Variants in AKAP10 observed in about 807,000 individuals in gnomAD.
AKAP10 encodes A-kinase anchor protein 10, mitochondrial.
Under a neutral mutation model 80.8 loss-of-function variants are expected in AKAP10, and 24 were observed. The ratio of observed to expected loss-of-function variants is 0.30; its 90% CI spans 0.22 to 0.42. The LOEUF is 0.42. Among genes scored for constraint, AKAP10 ranks in the 10% least tolerant of loss-of-function variants. AKAP10 has a pLI of 1.00. For missense variants in AKAP10, 661 were observed against 794.9 expected, an observed-to-expected ratio of 0.83 and a Z score of 2.03; for synonymous variants, 291 against 277.7, an observed-to-expected ratio of 1.05 and a Z score of -0.48.
Position 19,940,820 on chromosome 17 carries a change from G to C in AKAP10, c.1185+67C>G, listed in dbSNP as rs1597506249. On this transcript the variant is annotated intron_variant, in intron 7 of 14. Transcript: ENST00000225737. Reference sequence around the variant, plus strand: ...CTTCTGTGTTATTTCCTATAGACAGGGCCCCAGCATTGATAGTTAGAGGCT... The same window carrying C: ...CTTCTGTGTTATTTCCTATAGACAGCGCCCCAGCATTGATAGTTAGAGGCT... The C allele has an allele frequency of 6.7e-6, 10 of 1,482,630 alleles. No homozygotes were observed. The South Asian group carries it at 1.3e-4, about 20-fold the overall frequency. 91.8% of individuals were successfully genotyped at this position (1,482,630 alleles called of 1,614,324 possible).
rs149799897 is a variant in AKAP10, at chr17:19,947,135, C to T, written c.976+272G>A. On this transcript the variant is annotated intron_variant, in intron 5 of 14. Transcript: ENST00000225737. ...GGTGGTCTGTGCCGGTTAGCGTAGC[C>T]GCCCGCCGGCCCGGCTGCTCAGCAG... 1.2e-3 allele frequency: 491 copies of T among 409,736 alleles called. 2 individuals carry two copies. The highest frequency in any genetic ancestry group is 8.9e-3 in the African/African-American group (432 of 48,746). The allele number at this position is 409,736 out of a possible 1,614,324, so 25.4% of individuals were successfully genotyped here. A position where few individuals can be genotyped will look rare whatever the true frequency, so the allele number is the denominator to read the frequency against.
At chr17:19,963,090 C>G in intron 2 of AKAP10, 68 bp from the exon 3 acceptor site, 1 of 1,320,632 alleles carries the variant, frequency 7.6e-7, no homozygotes, top group Non-Finnish European at 1.0e-6. Context: ...CATAAAGGGG[C>G]TTTCAGAGAA....
chr17:19,974,508 T>C (rs2043540765), intron 1 of AKAP10, among the ~76,000 whole-genome samples: 1 of 152,174 alleles, frequency 6.6e-6, no homozygotes, highest in African/African-American at 2.4e-5. Context: ...TGGACACCTC[T>C]ATATTGGTCA....
chr17:19,939,685 G>T, intron 8 of AKAP10, 28 bp downstream of exon 8: 1 of 1,605,086 alleles, frequency 6.2e-7, no homozygotes. Context: ...ATAAGTATCT[G>T]CTGAATCCAT....
Position 19,935,538 on chromosome 17 carries a change from T to C in AKAP10, c.1467+748A>G, listed in dbSNP as rs867856507. Among the ~76,000 whole-genome samples the C allele has an allele frequency of 7.0e-4, 107 of 152,338 alleles. 1 individual carries two copies. Among genetic ancestry groups the C allele is most frequent in the African/African-American group, 2.5e-3 (102 of 41,588 alleles). ...TTTTTGACTCTGTTGTCATAACAGC[T>C]TAAAACACAAACATATACAGCTGTA... On this transcript the variant is annotated intron_variant, in intron 9 of 14. Transcript: ENST00000225737.
chr17:19,908,682 C>T (rs1451488893), intron 14 of AKAP10, among the ~76,000 whole-genome samples: 1 of 152,156 alleles, frequency 6.6e-6, no homozygotes, highest in Non-Finnish European at 1.5e-5. Flanking sequence ...GCTCGTCGCC[C>T]AGGCTGGAGT....
rs548281370 is a variant in AKAP10, at chr17:19,951,758, A to G, written c.878-4253T>C. On this transcript the variant is annotated intron_variant, in intron 4 of 14. Coordinates refer to ENST00000225737, the MANE Select transcript of AKAP10 (RefSeq NM_007202.4). ...AAGTACCCAGGGACACAAACACTGC[A>G]GAAGGCCGCAGGGTCCTCTGTCTAG... Among the ~76,000 whole-genome samples the G allele has an allele frequency of 6.6e-5, 10 of 152,190 alleles. No individual in the cohort carries two copies. The East Asian group carries it at 1.2e-3, about 18-fold the overall frequency.
At chr17:19,928,763 G>A (rs1341940367) in intron 10 of AKAP10, among the ~76,000 whole-genome samples, 1 of 152,094 alleles carries the variant, frequency 6.6e-6, no homozygotes, top group Non-Finnish European at 1.5e-5. Context: ...CCAGATACTC[G>A]GGAGGCTGAG....
intron 1 of AKAP10, among the ~76,000 whole-genome samples, chr17:19,976,967 A>T (rs1349627458): frequency 6.6e-6 from 1 of 152,220 alleles, no homozygotes; most frequent in African/African-American, 2.4e-5. Context: ...CTACGTAAAC[A>T]TTGGGCAGGT....
Position 19,968,567 on chromosome 17 carries a change from C to G in AKAP10, c.89-106G>C, listed in dbSNP as rs948032384. The stretch of plus-strand genomic sequence containing the variant: ...TATTCTAAGATGAGTATTCAAAGTT[C>G]TAGAACAATGGACAGCCTTGGAGGA... On this transcript the variant is annotated intron_variant, in intron 1 of 14. Transcript: ENST00000225737. The G allele has an allele frequency of 3.2e-6, 3 of 939,568 alleles. No individual in the cohort carries two copies. The African/African-American group carries it at 4.9e-5, about 15-fold the overall frequency. 58.2% of individuals were successfully genotyped at this position (939,568 alleles called of 1,614,324 possible).
intron 1 of AKAP10, among the ~76,000 whole-genome samples, chr17:19,974,994 G>A (rs1239793443): frequency 6.6e-6 from 1 of 152,046 alleles, no homozygotes; most frequent in African/African-American, 2.4e-5. Flanking sequence ...TATAAGTTCA[G>A]ATCACTCCTC....
intron 3 of AKAP10, among the ~76,000 whole-genome samples, chr17:19,961,343 C>A (rs780077952): frequency 1.3e-5 from 2 of 151,658 alleles, no homozygotes; most frequent in Non-Finnish European, 2.9e-5. Flanking sequence ...CAGAGTGAGA[C>A]CCTGTCTCAA....
At chr17:19,914,436 C>T (rs961317643) in intron 12 of AKAP10, among the ~76,000 whole-genome samples, 11 of 151,788 alleles carry the variant, frequency 7.2e-5, no homozygotes, top group African/African-American at 1.9e-4. Flanking sequence ...GGATTGCTTG[C>T]GGCAGGAGCT....
At position 19,905,856 on chromosome 17, in the gene AKAP10, G is replaced by C. The variant is rs977833563; in HGVS notation, c.*371C>G. ...CTGATTAGGGATGAGTTACCACTAC[G>C]AGTGTGCATCAAGTATCAGTTCTAT... On this transcript the variant is annotated 3_prime_UTR_variant, in exon 15 of 15. Coordinates refer to ENST00000225737, the MANE Select transcript of AKAP10 (RefSeq NM_007202.4). The C allele has an allele frequency of 1.1e-5, 2 of 190,116 alleles. No individual in the cohort carries two copies. The highest frequency in any genetic ancestry group is 2.2e-5 in the Non-Finnish European group (2 of 90,962). The allele number at this position is 190,116 out of a possible 1,614,324, so 11.8% of individuals were successfully genotyped here. A position where few individuals can be genotyped will look rare whatever the true frequency, so the allele number is the denominator to read the frequency against.
In AKAP10 at chr17:19,931,994, A is replaced by C. The variant is rs748321052; in HGVS notation, c.1468-16T>G. On this transcript the variant is annotated splice_polypyrimidine_tract_variant and intron_variant, in intron 9 of 14. Transcript: ENST00000225737. The stretch of plus-strand genomic sequence containing the variant: ...GCAAAAAGACCTGATAGAGATGAAA[A>C]GCATTATTTTAAAGTTGAAATCAAA... 2 of 1,597,114 alleles carry C rather than the reference A, an allele frequency of 1.3e-6. No homozygotes were observed. Among genetic ancestry groups the C allele is most frequent in the South Asian group, 1.1e-5 (1 of 88,426 alleles).
chr17:19,911,045 A>C (rs2042684531), intron 12 of AKAP10, among the ~76,000 whole-genome samples: 1 of 152,230 alleles, frequency 6.6e-6, no homozygotes, highest in Admixed American at 6.5e-5. Flanking sequence ...GGTCCTGTTT[A>C]ATTCAATAAC....
chr17:19,968,428 A>C lies in AKAP10; in HGVS notation c.122T>G (p.Val41Gly), dbSNP rs200211885. 4.3e-6 allele frequency: 7 copies of C among 1,613,732 alleles called. No homozygotes were observed. In the East Asian group the frequency reaches 6.7e-5, roughly 15 times the overall value. ...KGKEQEKTSDVKSIKASISVH... is the reference protein window; with the variant it reads ...KGKEQEKTSDGKSIKASISVH... ...GCAGAACTTACCTTTAATGGACTTC[A>C]CATCTGAGGTCTTCTCTTGTTCTTT... The change falls in exon 2 of 15, where the codon GTG becomes GGG. Residue 41 changes from valine to glycine, a missense_variant. Coordinates refer to ENST00000225737, the MANE Select transcript of AKAP10 (RefSeq NM_007202.4).
chr17:19,955,092 C>T (rs9895556), intron 4 of AKAP10, among the ~76,000 whole-genome samples: 10,254 of 151,746 alleles, frequency 0.068, 1,025 homozygotes, highest in African/African-American at 0.22. Context: ...TGTGGTGGTG[C>T]GTGCCTATAA....
chr17:19,912,064 T>C (rs1161773738), intron 12 of AKAP10, among the ~76,000 whole-genome samples: 1 of 152,130 alleles, frequency 6.6e-6, no homozygotes, highest in Non-Finnish European at 1.5e-5. Flanking sequence ...ATGATTTTAA[T>C]GTAACTTCTT....
Sources: gnomAD v4.1 joint callset for allele counts (sites outside exome capture counted in the v4.1 genomes callset) on GRCh38, gnomAD v4.1.1 for gene constraint, MANE v1.5 for transcripts, NCBI Gene and HGNC (gene_info 2026-07-23, HGNC 2026-07-21) for gene names.